CYSLTR2: variants seen among roughly 807,000 people sequenced by gnomAD.
The protein encoded by CYSLTR2 is G-protein coupled receptor GPCR21.
For synonymous variants in CYSLTR2, 179 were observed against 160.8 expected (o/e 1.11, Z -0.86); for missense variants, 398 against 411.9 (o/e 0.97, Z 0.29).
intron 4 of CYSLTR2, among the ~76,000 whole-genome samples, chr13:48,696,873 G>A (rs776133006): frequency 4.0e-5 from 6 of 151,330 alleles, no homozygotes; most frequent in Admixed American, 6.6e-5. Context: ...TCCCACGCCC[G>A]GCTCGGAGGG....
chr13:48,657,061 A>C (rs7339332), intron 1 of CYSLTR2, among the ~76,000 whole-genome samples: 18,216 of 152,274 alleles, frequency 0.12, 2,094 homozygotes, highest in African/African-American at 0.3. Context: ...CATAGAACCT[A>C]GCACATAAAC....
intron 4 of CYSLTR2, among the ~76,000 whole-genome samples, chr13:48,706,075 C>G (rs1954478497): frequency 6.7e-6 from 1 of 149,152 alleles, no homozygotes; most frequent in African/African-American, 2.5e-5. Context: ...CGGCTCATTG[C>G]AACTTCTGCC....
At chr13:48,665,888 T>C (rs900679332) in intron 1 of CYSLTR2, among the ~76,000 whole-genome samples, 3 of 152,124 alleles carry the variant, frequency 2.0e-5, no homozygotes, top group Non-Finnish European at 2.9e-5. Flanking sequence ...GTGTATCTTT[T>C]GTTCCTTACT....
At chr13:48,698,833 C>T (rs1212047094) in intron 4 of CYSLTR2, among the ~76,000 whole-genome samples, 4 of 152,068 alleles carry the variant, frequency 2.6e-5, no homozygotes, top group Middle Eastern at 3.4e-3. Flanking sequence ...GAAGATCTAC[C>T]AAGCAAATGG....
At chr13:48,700,342 CTG>C (rs1954307024) in intron 4 of CYSLTR2, among the ~76,000 whole-genome samples, 1 of 152,192 alleles carries the variant, frequency 6.6e-6, no homozygotes, top group Admixed American at 6.5e-5. Context: ...GGCTTCATCC[CTG>C]GGATGCAAGG....
rs1316800284 is a variant in CYSLTR2, at chr13:48,686,342, A to G, written c.-265-4870A>G. On this transcript the variant is annotated intron_variant, in intron 1 of 4. Coordinates refer to ENST00000682523, the MANE Select transcript of CYSLTR2 (RefSeq NM_001308476.3). The stretch of plus-strand genomic sequence containing the variant: ...TAGAGACATGGCTGTAGTTAACAGA[A>G]TTGGATTCATGGACTTCTTGCACAC... Among the ~76,000 whole-genome samples, 3 of 152,280 alleles carry G rather than the reference A, an allele frequency of 2.0e-5. No homozygotes were observed. The East Asian group carries it at 5.8e-4, about 29-fold the overall frequency.
chr13:48,694,417 A>T (rs1366135744), intron 3 of CYSLTR2, among the ~76,000 whole-genome samples: 1 of 152,232 alleles, frequency 6.6e-6, no homozygotes, highest in Non-Finnish European at 1.5e-5. Context: ...ATCATAGAAC[A>T]GATGTTAGAG....
At chr13:48,706,344 C>A (rs972886501) in intron 4 of CYSLTR2, among the ~76,000 whole-genome samples, 26 of 152,118 alleles carry the variant, frequency 1.7e-4, no homozygotes, top group Admixed American at 5.9e-4. Context: ...CTTAGTTTTC[C>A]GTCTGAAAAA....
chr13:48,660,997 G>T (rs190291249), intron 1 of CYSLTR2, among the ~76,000 whole-genome samples: 6 of 152,130 alleles, frequency 3.9e-5, no homozygotes, highest in Non-Finnish European at 7.4e-5. Flanking sequence ...CTCTGGTCCA[G>T]GCCCTGACCT....
Position 48,708,099 on chromosome 13 carries a change from C to G in CYSLTR2, c.*241C>G. 2.7e-6 allele frequency: 1 copy of G among 369,572 alleles called. No individual in the cohort carries two copies. 22.9% of individuals were successfully genotyped at this position (369,572 alleles called of 1,614,324 possible). On this transcript the variant is annotated 3_prime_UTR_variant, in exon 5 of 5. Coordinates refer to ENST00000682523, the MANE Select transcript of CYSLTR2 (RefSeq NM_001308476.3). ...ACTAGAGTCCTGTGGGCTGAAATAT[C>G]AGACTGGGAAAAAATGCAAAGCACA...
At chr13:48,701,795 G>A (rs572247497) in intron 4 of CYSLTR2, among the ~76,000 whole-genome samples, 66 of 152,266 alleles carry the variant, frequency 4.3e-4, no homozygotes, top group Admixed American at 3.1e-3. Context: ...AAATAGGAAC[G>A]CTTTTACACT....
At chr13:48,692,489 A>G (rs1954063712) in intron 2 of CYSLTR2, among the ~76,000 whole-genome samples, 1 of 151,702 alleles carries the variant, frequency 6.6e-6, no homozygotes, top group Admixed American at 6.6e-5. Context: ...TAAATATACA[A>G]ATAGAAAATA....
chr13:48,689,119 T>C (rs1953970552), intron 1 of CYSLTR2, among the ~76,000 whole-genome samples: 1 of 152,234 alleles, frequency 6.6e-6, no homozygotes, highest in African/African-American at 2.4e-5. Context: ...TTTATTCTCG[T>C]AAATTTGTTT....
At chr13:48,660,712 A>G (rs1329488397) in intron 1 of CYSLTR2, among the ~76,000 whole-genome samples, 1 of 152,186 alleles carries the variant, frequency 6.6e-6, no homozygotes, top group Non-Finnish European at 1.5e-5. Context: ...AAAGCACAAG[A>G]CCGTTCTTGG....
intron 1 of CYSLTR2, among the ~76,000 whole-genome samples, chr13:48,684,704 T>C (rs1223745992): frequency 6.6e-6 from 1 of 152,092 alleles, no homozygotes; most frequent in Non-Finnish European, 1.5e-5. Context: ...TATGTCCAAG[T>C]CCTAACCCCA....
intron 1 of CYSLTR2, among the ~76,000 whole-genome samples, chr13:48,666,296 G>A (rs986934613): frequency 6.6e-6 from 1 of 151,996 alleles, no homozygotes. Context: ...CCTTATATGT[G>A]GCTTGATGCT....
At position 48,707,248 on chromosome 13, in the gene CYSLTR2, T is replaced by G; in HGVS notation, c.431T>G (p.Phe144Cys). 8 of 1,614,116 alleles carry G rather than the reference T, an allele frequency of 5.0e-6. No individual in the cohort carries two copies. The highest frequency in any genetic ancestry group is 5.9e-6 in the Non-Finnish European group (7 of 1,180,030). The change falls in exon 5 of 5, where the codon TTT becomes TGT. Residue 144 changes from phenylalanine (F) to cysteine (C), a missense_variant. Coordinates refer to ENST00000682523, the MANE Select transcript of CYSLTR2 (RefSeq NM_001308476.3). ...CGTTTCCTGGCAATGGTTCACCCCTTTCGGCTTCTGCATGTCACCAGCATC... is the reference window on the plus strand; with the variant it reads ...CGTTTCCTGGCAATGGTTCACCCCTGTCGGCTTCTGCATGTCACCAGCATC... ...VVRFLAMVHP[F>C]RLLHVTSIRS... is the part of the protein sequence containing the mutation.
chr13:48,680,683 G>A (rs1325365159), intron 1 of CYSLTR2, among the ~76,000 whole-genome samples: 1 of 151,890 alleles, frequency 6.6e-6, no homozygotes, highest in Non-Finnish European at 1.5e-5. Flanking sequence ...AGTTTCCCTT[G>A]AATTTGCGTC....
Position 48,685,703 on chromosome 13 carries a change from A to G in CYSLTR2, c.-265-5509A>G, listed in dbSNP as rs77688248. ...GCTGGTTGATCTAGCCTATTAGGTGATAGTTCCCTTTCTCTTCTGTTAACA... is the reference window on the plus strand; with the variant it reads ...GCTGGTTGATCTAGCCTATTAGGTGGTAGTTCCCTTTCTCTTCTGTTAACA... On this transcript the variant is annotated intron_variant, in intron 1 of 4. Coordinates refer to ENST00000682523, the MANE Select transcript of CYSLTR2 (RefSeq NM_001308476.3). 6.0e-4 allele frequency among the ~76,000 whole-genome samples: 92 copies of G among 152,240 alleles called. 1 individual carries two copies. In the East Asian group the frequency reaches 0.018, roughly 29 times the overall value.
Sources: allele counts gnomAD v4.1 joint callset (sites outside exome capture counted in the v4.1 genomes callset), GRCh38; gene constraint gnomAD v4.1.1; transcripts MANE v1.5; gene names NCBI Gene and HGNC (gene_info 2026-07-23, HGNC 2026-07-21).